Variants in SVOP observed in about 807,000 individuals in gnomAD.
SVOP encodes synaptic vesicle 2-related protein.
A neutral mutation model predicts 69.1 loss-of-function variants in SVOP; 17 were observed. The observed-to-expected ratio is 0.25, with a 90% CI of 0.17 to 0.37. The LOEUF is 0.37. SVOP is among the 10% of genes least tolerant of loss of function. The pLI, the probability that SVOP is intolerant of heterozygous loss-of-function variation, is 1.00. For missense variants in SVOP, 435 were observed against 597.5 expected (o/e 0.73, Z 2.84); for synonymous variants, 238 against 238.6 (o/e 1.00, Z 0.02).
intron 11 of SVOP, among the ~76,000 whole-genome samples, chr12:108,923,354 G>A (rs1399675058): frequency 6.6e-6 from 1 of 152,174 alleles, no homozygotes; most frequent in Non-Finnish European, 1.5e-5. Context: ...CCTATGTGGT[G>A]GCAAGGAGTG....
intron 6 of SVOP, among the ~76,000 whole-genome samples, chr12:108,955,260 C>A (rs2039978846): frequency 6.6e-6 from 1 of 152,198 alleles, no homozygotes; most frequent in African/African-American, 2.4e-5. Flanking sequence ...TTGATTTGCT[C>A]TTCTGTGAGT....
intron 5 of SVOP, among the ~76,000 whole-genome samples, chr12:108,964,680 C>T (rs2040035033): frequency 6.6e-6 from 1 of 152,140 alleles, no homozygotes; most frequent in African/African-American, 2.4e-5. Flanking sequence ...CAAGCCCCAC[C>T]CAATAGCTTG....
chr12:108,989,335 G>A (rs1013315283), intron 1 of SVOP, among the ~76,000 whole-genome samples: 4 of 152,154 alleles, frequency 2.6e-5, no homozygotes, highest in African/African-American at 9.7e-5. Flanking sequence ...TTGGCCTCCC[G>A]AAGTGCTGGG....
In SVOP at chr12:108,982,304, AC is replaced by A. The variant is rs1302313517; in HGVS notation, c.196+1296del. Among the ~76,000 whole-genome samples the A allele has an allele frequency of 4.7e-5, 7 of 150,524 alleles. No individual in the cohort carries two copies. In the South Asian group the frequency reaches 6.4e-4, roughly 14 times the overall value. On this transcript the variant is annotated intron_variant, in intron 2 of 15. Coordinates refer to ENST00000610966, the MANE Select transcript of SVOP (RefSeq NM_018711.5). Reference sequence around the variant, plus strand: ...TATCATCACCATCATCACCACCACCACCATCATTTTCATCATCATCACCATC... The same window carrying A: ...TATCATCACCATCATCACCACCACCACATCATTTTCATCATCATCACCATC...
chr12:108,940,939 G>T, intron 7 of SVOP, 30 bp from the exon 8 acceptor site: 1 of 1,533,644 alleles, frequency 6.5e-7, no homozygotes, highest in Non-Finnish European at 8.7e-7. Context: ...GTCAGTGGTG[G>T]GGGTAGCATG....
At chr12:109,012,188 C>T (rs1391377415) in intron 1 of SVOP, among the ~76,000 whole-genome samples, 1 of 151,804 alleles carries the variant, frequency 6.6e-6, no homozygotes, top group African/African-American at 2.4e-5. Flanking sequence ...GAGGCTGAGG[C>T]AGGAGAATCG....
intron 11 of SVOP, among the ~76,000 whole-genome samples, chr12:108,931,970 C>G (rs547902116): frequency 1.3e-5 from 2 of 152,158 alleles, no homozygotes; most frequent in South Asian, 4.1e-4. Context: ...TACTATACTT[C>G]GTGAGGGCTC....
chr12:108,977,390 C>G lies in SVOP; in HGVS notation c.381+8G>C. Reference sequence around the variant, plus strand: ...TATGCAACAGAAGGGAGCTGCTGGGCTGCCTACCGAGGTCAGCAATGCCAC... The same window carrying G: ...TATGCAACAGAAGGGAGCTGCTGGGGTGCCTACCGAGGTCAGCAATGCCAC... On this transcript the variant is annotated splice_region_variant and intron_variant, in intron 4 of 15. Transcript: ENST00000610966. 1 of 1,536,888 alleles carries G rather than the reference C, an allele frequency of 6.5e-7. No individual in the cohort carries two copies. Among genetic ancestry groups the G allele is most frequent in the Non-Finnish European group, 8.7e-7 (1 of 1,146,832 alleles).
chr12:108,993,135 G>A (rs1297906810), intron 1 of SVOP, among the ~76,000 whole-genome samples: 2 of 152,050 alleles, frequency 1.3e-5, no homozygotes, highest in African/African-American at 2.4e-5. Flanking sequence ...AGGCTCCCAA[G>A]TAGCTGGGAT....
At chr12:108,934,133 T>C in intron 11 of SVOP, 62 bp downstream of exon 11, 1 of 1,437,324 alleles carries the variant, frequency 7.0e-7, no homozygotes, top group African/African-American at 1.4e-5. Context: ...AGTGTGTGCA[T>C]GACTGTGTAT....
At chr12:108,983,273 A>G (rs2040151705) in intron 2 of SVOP, among the ~76,000 whole-genome samples, 1 of 134,358 alleles carries the variant, frequency 7.4e-6, no homozygotes, top group East Asian at 2.1e-4. Context: ...CATCATTACT[A>G]TCATGATCAT....
intron 5 of SVOP, among the ~76,000 whole-genome samples, chr12:108,966,455 C>T (rs2040046093): frequency 1.3e-5 from 2 of 152,074 alleles, no homozygotes. Context: ...CCCACAATAT[C>T]ATGCGGTGAA....
At position 108,972,558 on chromosome 12, in the gene SVOP, G is replaced by A. The variant is rs149160784; in HGVS notation, c.382-82C>T. 5.2e-4 allele frequency: 708 copies of A among 1,372,656 alleles called. 6 individuals are homozygous for A. The African/African-American group carries it at 8.8e-3, about 17-fold the overall frequency. 85.0% of individuals were successfully genotyped at this position (1,372,656 alleles called of 1,614,324 possible). On this transcript the variant is annotated intron_variant, in intron 4 of 15. Transcript: ENST00000610966. ...GGGAACAACAAACGGAAGTGGTGAC[G>A]TCACCCTCTAGGTAACAGCAATGAT...
chr12:108,969,722 C>CCTTCCTTCCTCCTTT (rs2040067914), intron 5 of SVOP, among the ~76,000 whole-genome samples: 1 of 151,426 alleles, frequency 6.6e-6, no homozygotes, highest in Non-Finnish European at 1.5e-5. Flanking sequence ...TTTTTTCCTT[C>CCTTCCTTCCTCCTTT]CTTCCTTCCT....
chr12:109,003,903 C>A (rs2040289680), intron 1 of SVOP, among the ~76,000 whole-genome samples: 1 of 152,096 alleles, frequency 6.6e-6, no homozygotes, highest in South Asian at 2.1e-4. Flanking sequence ...CCACAGAGCC[C>A]AACCTCCCTG....
chr12:108,922,913 C>CCAGACAGATTCTGAATCTG, intron 11 of SVOP, 116 bp from the exon 12 acceptor site: 1 of 704,734 alleles, frequency 1.4e-6, no homozygotes, highest in South Asian at 1.7e-5. Context: ...ATAGAAAGAG[C>CCAGACAGATTCTGAATCTG]CCAGACTCAG....
chr12:108,968,653 C>T (rs1315837101), intron 5 of SVOP, among the ~76,000 whole-genome samples: 1 of 151,906 alleles, frequency 6.6e-6, no homozygotes. Context: ...CCTTATGATT[C>T]AGCAATTGGA....
chr12:108,946,253 C>A (rs193219981), intron 6 of SVOP, among the ~76,000 whole-genome samples: 3 of 150,514 alleles, frequency 2.0e-5, no homozygotes, highest in Non-Finnish European at 4.4e-5. Context: ...CACACCACCA[C>A]GCCTGGCCAA....
chr12:109,020,530 C>T (rs1409879965), intron 1 of SVOP, among the ~76,000 whole-genome samples: 1 of 152,218 alleles, frequency 6.6e-6, no homozygotes, highest in Non-Finnish European at 1.5e-5. Flanking sequence ...CTAATGCTTT[C>T]TTAAAGCTCA....
Sources: gnomAD v4.1 joint callset for allele counts (sites outside exome capture counted in the v4.1 genomes callset) on GRCh38, gnomAD v4.1.1 for gene constraint, MANE v1.5 for transcripts, NCBI Gene and HGNC (gene_info 2026-07-23, HGNC 2026-07-21) for gene names.